Variants in AHI1 observed in about 807,000 individuals in gnomAD.
AHI1 encodes the protein Abelson helper integration site 1, also known as jouberin.
Under a neutral mutation model 149.3 loss-of-function variants are expected in AHI1, and 123 were observed. The observed-to-expected ratio is 0.82, with a 90% CI of 0.71 to 0.96. The LOEUF (loss-of-function observed/expected upper bound fraction) is 0.96, where lower values mean the gene tolerates loss of function less well. Among genes scored for constraint, AHI1 ranks in the 40% least tolerant of loss-of-function variants. AHI1 has a pLI of 0.00. For synonymous variants in AHI1, 475 were observed against 459.8 expected (o/e 1.03, Z -0.42); for missense variants, 1,439 against 1,422.7 (o/e 1.01, Z -0.18).
rs561001090 is a variant in AHI1, at chr6:135,405,875, GA to G, written c.2962-899del. 1.8e-3 allele frequency among the ~76,000 whole-genome samples: 196 copies of G among 109,128 alleles called. No individual in the cohort carries two copies. The South Asian group carries it at 0.02, about 11-fold the overall frequency. The allele number at this position is 109,128 out of a possible 152,430, so 71.6% of individuals were successfully genotyped here. A position where few individuals can be genotyped will look rare whatever the true frequency, so the allele number is the denominator to read the frequency against. On this transcript the variant is annotated intron_variant, in intron 21 of 28. Transcript: ENST00000265602. ...ACTCCAACTCAAAAAAAAAAAAAAAGAAAAAAAAAAGAAAAAGAAAAAGAAA... is the reference window on the plus strand; with the variant it reads ...ACTCCAACTCAAAAAAAAAAAAAAAGAAAAAAAAAGAAAAAGAAAAAGAAA...
intron 18 of AHI1, among the ~76,000 whole-genome samples, chr6:135,429,320 A>G (rs1784332125): frequency 6.6e-6 from 1 of 151,490 alleles, no homozygotes; most frequent in Non-Finnish European, 1.5e-5. Context: ...GTGCCAGGTA[A>G]GTATTATTAT....
chr6:135,328,511 A>C (rs1413213346), intron 24 of AHI1, among the ~76,000 whole-genome samples: 1 of 151,752 alleles, frequency 6.6e-6, no homozygotes, highest in African/African-American at 2.4e-5. Flanking sequence ...ATAGAAGACA[A>C]TAACTTAATT....
intron 23 of AHI1, among the ~76,000 whole-genome samples, chr6:135,363,616 T>G (rs1794288670): frequency 6.7e-6 from 1 of 149,486 alleles, no homozygotes; most frequent in Non-Finnish European, 1.5e-5. Flanking sequence ...CACTTCCCAG[T>G]AGGGGCGGCC....
intron 23 of AHI1, among the ~76,000 whole-genome samples, chr6:135,386,641 T>G (rs61025731): frequency 0.02 from 3,055 of 151,546 alleles, 48 homozygotes; most frequent in African/African-American, 0.032. Flanking sequence ...CTTTTTTTGT[T>G]TTTTTTGAGA....
intron 25 of AHI1, among the ~76,000 whole-genome samples, chr6:135,320,054 A>G (rs543813445): frequency 6.6e-6 from 1 of 152,288 alleles, no homozygotes; most frequent in South Asian, 2.1e-4. Flanking sequence ...AATTCTTCCT[A>G]CTATTTTTAG....
chr6:135,463,384 C>A, intron 7 of AHI1, 78 bp from the exon 8 acceptor site: 1 of 1,214,240 alleles, frequency 8.2e-7, no homozygotes, highest in South Asian at 1.8e-5. Context: ...ACAGAGTGAA[C>A]AGTAAATAGG....
chr6:135,414,216 C>A (rs988819134), intron 20 of AHI1, among the ~76,000 whole-genome samples: 1 of 151,892 alleles, frequency 6.6e-6, no homozygotes, highest in Admixed American at 6.6e-5. Context: ...TTTTTTCCAA[C>A]AAATGGTGTT....
rs200862837 is a variant in AHI1, at chr6:135,352,737, A to AAT, written c.3165+5393_3165+5394dup. Among the ~76,000 whole-genome samples the AAT allele has an allele frequency of 2.0e-3, 295 of 147,146 alleles. 1 individual carries two copies. The highest frequency in any genetic ancestry group is 7.1e-3 in the African/African-American group (277 of 38,962). On this transcript the variant is annotated intron_variant, in intron 24 of 28. Transcript: ENST00000265602. ...TACACACACACACACACACACACAC[A>AAT]ATATATATACACACACATATATATA...
At chr6:135,434,327 C>G (rs555748039) in intron 15 of AHI1, among the ~76,000 whole-genome samples, 2 of 151,844 alleles carry the variant, frequency 1.3e-5, no homozygotes, top group Admixed American at 1.3e-4. Context: ...AACATGTTTT[C>G]GAGTAAAAAT....
intron 23 of AHI1, among the ~76,000 whole-genome samples, chr6:135,364,109 G>A (rs1260159043): frequency 3.3e-5 from 5 of 151,938 alleles, no homozygotes; most frequent in African/African-American, 1.2e-4. Context: ...GTGGCTGCCG[G>A]GCGGAGATGC....
chr6:135,404,876 T>A (rs1489803201), intron 22 of AHI1, 75 bp downstream of exon 22: 6 of 1,344,614 alleles, frequency 4.5e-6, no homozygotes, highest in African/African-American at 4.3e-5. Context: ...CCAAACTCTA[T>A]GAATGGTGCA....
chr6:135,324,264 G>C (rs1787307352), intron 24 of AHI1, among the ~76,000 whole-genome samples: 1 of 152,042 alleles, frequency 6.6e-6, no homozygotes, highest in Admixed American at 6.6e-5. Context: ...GGGTTTGGAG[G>C]CTGCAGTGAG....
intron 23 of AHI1, among the ~76,000 whole-genome samples, chr6:135,376,881 CAAAAAAAAAAAAAAAAAAAAAAAAAAAA>C (rs1167083326): frequency 3.4e-5 from 1 of 29,414 alleles, no homozygotes; most frequent in Non-Finnish European, 5.5e-5. Flanking sequence ...GACTCCATCT[CAAAAAAAAAAAAAAAAAAAAAAAAAAAA>C]AAAAAAAAAA....
chr6:135,418,773 T>C (rs1782731345), intron 20 of AHI1, among the ~76,000 whole-genome samples: 1 of 152,092 alleles, frequency 6.6e-6, no homozygotes, highest in African/African-American at 2.4e-5. Flanking sequence ...ATAGCCCTGT[T>C]ACTTTATATG....
intron 27 of AHI1, 64 bp from the exon 28 acceptor site, chr6:135,290,589 G>A (rs1235733634): frequency 2.6e-6 from 4 of 1,560,124 alleles, no homozygotes; most frequent in Admixed American, 3.4e-5. Context: ...AAGCTCAGAT[G>A]AGGCTTTGAT....
chr6:135,476,313 T>C (rs1792626405), intron 5 of AHI1, among the ~76,000 whole-genome samples: 1 of 152,146 alleles, frequency 6.6e-6, no homozygotes, highest in South Asian at 2.1e-4. Flanking sequence ...AGAAAACATT[T>C]TGTATTATTT....
chr6:135,425,797 T>C (rs1783836644), intron 20 of AHI1, among the ~76,000 whole-genome samples: 2 of 151,758 alleles, frequency 1.3e-5, no homozygotes, highest in South Asian at 4.1e-4. Flanking sequence ...AAAACCAAAC[T>C]GGCAAACCTA....
rs190863416 is a variant in AHI1 at position 135,459,339 on chromosome 6, A to C, written c.932-1626T>G. On this transcript the variant is annotated intron_variant, in intron 8 of 28. Transcript: ENST00000265602. ...AAATAATAAAAACACACAATATTAA[A>C]AATTTTGGAGATGCAGGTAAAGTAG... is the stretch of plus-strand genomic sequence containing the variant. Among the ~76,000 whole-genome samples, 52 of 152,334 alleles carry C rather than the reference A, an allele frequency of 3.4e-4. No homozygotes were observed. In the East Asian group the frequency reaches 8.7e-3, roughly 25 times the overall value.
At chr6:135,327,984 T>A (rs1212992541) in intron 24 of AHI1, among the ~76,000 whole-genome samples, 1 of 152,176 alleles carries the variant, frequency 6.6e-6, no homozygotes, top group African/African-American at 2.4e-5. Context: ...CTGAGTTCCA[T>A]GAGTTACTCC....
Sources: allele counts gnomAD v4.1 joint callset (sites outside exome capture counted in the v4.1 genomes callset), GRCh38; gene constraint gnomAD v4.1.1; transcripts MANE v1.5; gene names NCBI Gene and HGNC (gene_info 2026-07-23, HGNC 2026-07-21).